The following ABHD2 variants were observed in gnomAD, a reference collection of about 807,000 sequenced individuals.
ABHD2 encodes the protein monoacylglycerol lipase ABHD2.
Under a neutral mutation model 48.1 loss-of-function variants are expected in ABHD2, and 20 were observed. The observed-to-expected ratio is 0.42, with a 90% CI of 0.29 to 0.60. The LOEUF is 0.60. Among genes scored for constraint, ABHD2 ranks in the 20% least tolerant of loss-of-function variants. The pLI, the probability that ABHD2 is intolerant of heterozygous loss-of-function variation, is 0.24. For synonymous variants in ABHD2, 209 were observed against 214.2 expected, an observed-to-expected ratio of 0.98 and a Z score of 0.21; for missense variants, 405 against 550.9, an observed-to-expected ratio of 0.74 and a Z score of 2.65.
chr15:89,162,856 C>T (rs143291941), intron 5 of ABHD2, among the ~76,000 whole-genome samples: 24 of 152,320 alleles, frequency 1.6e-4, no homozygotes, highest in African/African-American at 5.8e-4. Flanking sequence ...AGGCAGTTTT[C>T]GCACTCCCTG....
At chr15:89,141,097 T>C (rs1259374988) in intron 3 of ABHD2, among the ~76,000 whole-genome samples, 1 of 151,958 alleles carries the variant, frequency 6.6e-6, no homozygotes, top group African/African-American at 2.4e-5. Flanking sequence ...GCCTCCCAAA[T>C]AGCTGGGACC....
chr15:89,195,536 C>A lies in ABHD2; in HGVS notation c.*113C>A. ...TGACCTGGATCTGACCTCACACCAT[C>A]AGCAGGGGGCACCCACCATGCACAC... is the stretch of plus-strand genomic sequence containing the variant. On this transcript the variant is annotated 3_prime_UTR_variant, in exon 11 of 11. Transcript: ENST00000352732. This position sits in a 1 kb window ranked among gnomAD's most constrained non-coding sequence, Gnocchi z 5.1. 1 of 1,152,632 alleles carries A rather than the reference C, an allele frequency of 8.7e-7. No homozygotes were observed. The highest frequency in any genetic ancestry group is 1.2e-6 in the Non-Finnish European group (1 of 836,870). The allele number at this position is 1,152,632 out of a possible 1,614,324, so 71.4% of individuals were successfully genotyped here. A position where few individuals can be genotyped will look rare whatever the true frequency, so the allele number is the denominator to read the frequency against.
chr15:89,157,699 C>T (rs779219443), intron 5 of ABHD2, among the ~76,000 whole-genome samples: 139 of 151,972 alleles, frequency 9.1e-4, no homozygotes, highest in Admixed American at 6.6e-4. Flanking sequence ...AAAAAGTAGC[C>T]GGGCGTGGTG....
chr15:89,065,346 G>A, the ABHD2 span, among the ~76,000 whole-genome samples: 2 of 152,184 alleles, frequency 1.3e-5, no homozygotes, highest in East Asian at 3.9e-4. Context: ...AATTAAGGGT[G>A]TAGAATAACA....
At position 89,197,238 on chromosome 15, in the gene ABHD2, T is replaced by G. The variant is rs8042649; in HGVS notation, c.*1815T>G. On this transcript the variant is annotated 3_prime_UTR_variant, in exon 11 of 11. Coordinates refer to ENST00000352732, the MANE Select transcript of ABHD2 (RefSeq NM_152924.5). This position sits in a 1 kb window ranked among gnomAD's most constrained non-coding sequence, Gnocchi z 4.4. ...CAAAAGCAGCCCTTATCTCAGAGAC[T>G]GAGATTTCTGTGGTCTCAACTTCGC... The G allele has an allele frequency of 1.3e-5, 2 of 152,436 alleles. No individual in the cohort carries two copies. The highest frequency in any genetic ancestry group is 2.4e-5 in the African/African-American group (1 of 41,366). The allele number at this position is 152,436 out of a possible 1,614,324, so 9.4% of individuals were successfully genotyped here. A position where few individuals can be genotyped will look rare whatever the true frequency, so the allele number is the denominator to read the frequency against.
At chr15:89,134,095 C>A (rs2050264278) in intron 3 of ABHD2, among the ~76,000 whole-genome samples, 1 of 152,154 alleles carries the variant, frequency 6.6e-6, no homozygotes, top group South Asian at 2.1e-4. Context: ...GCCTCAGCCT[C>A]CCAGAGTGCT....
the ABHD2 span, among the ~76,000 whole-genome samples, chr15:89,074,808 T>C: frequency 6.6e-6 from 1 of 152,206 alleles, no homozygotes; most frequent in African/African-American, 2.4e-5. Flanking sequence ...CTACTTCCAC[T>C]AGCTCTTCCC....
chr15:89,192,270 T>C (rs1310461325), intron 9 of ABHD2, among the ~76,000 whole-genome samples: 1 of 152,226 alleles, frequency 6.6e-6, no homozygotes, highest in Non-Finnish European at 1.5e-5. Context: ...TAAGCCATTG[T>C]AGGAATGTTG....
the ABHD2 span, among the ~76,000 whole-genome samples, chr15:89,054,151 G>T: frequency 6.6e-6 from 1 of 151,214 alleles, no homozygotes; most frequent in Non-Finnish European, 1.5e-5. Flanking sequence ...ATGAAACCCC[G>T]TCTCTACTAA....
At chr15:89,135,982 A>C (rs1323969666) in intron 3 of ABHD2, 2 of 332,794 alleles carry the variant, frequency 6.0e-6, no homozygotes, top group Non-Finnish European at 1.1e-5. Context: ...GCTGGAGTGC[A>C]ATGGCGCAAT....
the ABHD2 span, among the ~76,000 whole-genome samples, chr15:89,043,454 GAGGAGA>G: frequency 7.8e-4 from 112 of 143,916 alleles, no homozygotes; most frequent in East Asian, 3.2e-3. Context: ...GAAGGAGGAG[GAGGAGA>G]AGGAGAAGGA....
At chr15:89,162,426 G>C (rs2050776470) in intron 5 of ABHD2, among the ~76,000 whole-genome samples, 1 of 152,104 alleles carries the variant, frequency 6.6e-6, no homozygotes, top group Admixed American at 6.5e-5. Context: ...GCCTCTTCCA[G>C]GTGGGGTCAC....
At chr15:89,070,638 T>C in the ABHD2 span, among the ~76,000 whole-genome samples, 1 of 152,130 alleles carries the variant, frequency 6.6e-6, no homozygotes, top group Non-Finnish European at 1.5e-5. Context: ...ATTTCTAACA[T>C]TATTTAGAAA....
At chr15:89,046,845 C>G in the ABHD2 span, among the ~76,000 whole-genome samples, 1 of 152,124 alleles carries the variant, frequency 6.6e-6, no homozygotes, top group African/African-American at 2.4e-5. Context: ...TTTCAAAAAA[C>G]CAGCTCCTGG....
rs1353662309 is a variant in ABHD2, at chr15:89,200,502, A to T, written c.*5079A>T. The T allele has an allele frequency of 6.5e-6, 1 of 152,706 alleles. No homozygotes were observed. Among genetic ancestry groups the T allele is most frequent in the African/African-American group, 2.4e-5 (1 of 41,472 alleles). The allele number at this position is 152,706 out of a possible 1,614,324, so 9.5% of individuals were successfully genotyped here. A position where few individuals can be genotyped will look rare whatever the true frequency, so the allele number is the denominator to read the frequency against. ...GGCAGAGGTGCTCCTCACTTCCCAG[A>T]ACAATTCTTTATGAATTTGATAAAG... On this transcript the variant is annotated 3_prime_UTR_variant, in exon 11 of 11. Transcript: ENST00000352732.
chr15:89,076,856 T>C, the ABHD2 span, among the ~76,000 whole-genome samples: 16 of 152,228 alleles, frequency 1.1e-4, no homozygotes, highest in African/African-American at 3.9e-4. Context: ...TCAATTTCTT[T>C]TAAATTTATA....
intron 3 of ABHD2, among the ~76,000 whole-genome samples, chr15:89,148,122 A>C (rs2050527730): frequency 6.8e-6 from 1 of 147,736 alleles, no homozygotes; most frequent in Admixed American, 6.7e-5. Flanking sequence ...CCGTCTCAAA[A>C]AAAAAAAAAA....
intron 3 of ABHD2, among the ~76,000 whole-genome samples, chr15:89,134,597 G>T (rs960862187): frequency 5.9e-5 from 9 of 151,988 alleles, no homozygotes; most frequent in Non-Finnish European, 1.0e-4. Flanking sequence ...ACTTTTCTTG[G>T]CTATTATAGC....
the ABHD2 span, among the ~76,000 whole-genome samples, chr15:89,066,245 G>C: frequency 6.6e-6 from 1 of 152,154 alleles, no homozygotes; most frequent in Non-Finnish European, 1.5e-5. Context: ...CAAAATCATG[G>C]TTCCTTCTGA....
Sources: gnomAD v4.1 joint callset for allele counts (sites outside exome capture counted in the v4.1 genomes callset) on GRCh38, gnomAD v4.1.1 for gene constraint, Gnocchi (gnomAD v3.1) non-coding constraint, MANE v1.5 for transcripts, NCBI Gene and HGNC (gene_info 2026-07-23, HGNC 2026-07-21) for gene names.